DDC: variants seen among roughly 807,000 people sequenced by gnomAD.
The protein encoded by DDC is dopa decarboxylase.
A neutral mutation model predicts 60.0 loss-of-function variants in DDC; 43 were observed. The ratio of observed to expected loss-of-function variants is 0.72; its 90% CI spans 0.56 to 0.92. The LOEUF (loss-of-function observed/expected upper bound fraction) is 0.92, where lower values mean the gene tolerates loss of function less well. Ranked by LOEUF, DDC falls within the 40% of genes least tolerant of loss-of-function variation. The pLI, the probability that DDC is intolerant of heterozygous loss-of-function variation, is 0.00. For synonymous variants in DDC, 232 were observed against 234.6 expected (o/e 0.99, Z 0.10); for missense variants, 573 against 620.2 (o/e 0.92, Z 0.81).
At chr7:50,506,574 G>A (rs2043403878) in intron 6 of DDC, among the ~76,000 whole-genome samples, 1 of 152,158 alleles carries the variant, frequency 6.6e-6, no homozygotes, top group African/African-American at 2.4e-5. Context: ...CCCTGAGAAG[G>A]GCAGTCCCTC....
At chr7:50,561,869 CCATGCACACTTATG>C (rs1268617461) in intron 1 of DDC, among the ~76,000 whole-genome samples, 1 of 152,142 alleles carries the variant, frequency 6.6e-6, no homozygotes, top group East Asian at 1.9e-4. Context: ...TGCACACACA[CCATGCACACTTATG>C]CATGCACACA....
At chr7:50,486,101 C>T (rs1006928642) in intron 9 of DDC, among the ~76,000 whole-genome samples, 2 of 152,198 alleles carry the variant, frequency 1.3e-5, no homozygotes, top group African/African-American at 4.8e-5. Flanking sequence ...CCAGTGTTTA[C>T]AGTGAAAACC....
At chr7:50,539,848 A>G in intron 3 of DDC, 67 bp downstream of exon 3, 2 of 1,195,700 alleles carry the variant, frequency 1.7e-6, no homozygotes. Context: ...GTGCATAGGT[A>G]CCGTGTCCCC....
intron 1 of DDC, among the ~76,000 whole-genome samples, chr7:50,555,169 C>T (rs539605899): frequency 1.7e-4 from 26 of 152,112 alleles, no homozygotes; most frequent in Middle Eastern, 3.2e-3. Context: ...GCCAGTGTCA[C>T]GGGGATGGTG....
At chr7:50,503,044 G>A (rs2043298166) in intron 7 of DDC, among the ~76,000 whole-genome samples, 2 of 152,182 alleles carry the variant, frequency 1.3e-5, no homozygotes, top group Admixed American at 6.5e-5. Flanking sequence ...GGAGAGGAGG[G>A]TCCACTCCTC....
chr7:50,487,135 A>T (rs1021357524), intron 9 of DDC, among the ~76,000 whole-genome samples: 11 of 152,204 alleles, frequency 7.2e-5, no homozygotes, highest in African/African-American at 2.7e-4. Flanking sequence ...ATGTGGAAAT[A>T]ATATTTTGCT....
intron 11 of DDC, among the ~76,000 whole-genome samples, 160 bp from the exon 12 acceptor site, chr7:50,470,331 TG>T (rs2042502155): frequency 6.6e-6 from 1 of 152,120 alleles, no homozygotes; most frequent in African/African-American, 2.4e-5. Context: ...GGGCCCTCGG[TG>T]ATGTGGGCAG....
intron 9 of DDC, among the ~76,000 whole-genome samples, chr7:50,482,780 TCTTTTCTTGC>T (rs1256884742): frequency 6.6e-6 from 1 of 152,210 alleles, no homozygotes; most frequent in African/African-American, 2.4e-5. Context: ...AGTAAACATA[TCTTTTCTTGC>T]TATTATAAAG....
chr7:50,524,780 A>T (rs1255090515), intron 6 of DDC, among the ~76,000 whole-genome samples: 2 of 152,258 alleles, frequency 1.3e-5, no homozygotes, highest in Non-Finnish European at 2.9e-5. Context: ...TGTTAAAAAA[A>T]TTAAATGTAA....
chr7:50,499,291 G>A (rs775962713), intron 7 of DDC, 49 bp from the exon 8 acceptor site: 10 of 1,353,658 alleles, frequency 7.4e-6, no homozygotes, highest in South Asian at 4.8e-5. Context: ...GCCTCACCAC[G>A]GAGCCTGCCA....
intron 11 of DDC, among the ~76,000 whole-genome samples, chr7:50,470,553 G>T (rs927630901): frequency 5.3e-5 from 8 of 152,238 alleles, no homozygotes; most frequent in Non-Finnish European, 4.4e-5. Flanking sequence ...GGATAAGGGG[G>T]TAATTTTCAT....
intron 4 of DDC, among the ~76,000 whole-genome samples, chr7:50,530,054 C>T (rs1387553358): frequency 1.3e-5 from 2 of 151,994 alleles, no homozygotes; most frequent in African/African-American, 4.8e-5. Flanking sequence ...CCCCGGAGTT[C>T]GAGACCAGCC....
intron 9 of DDC, among the ~76,000 whole-genome samples, chr7:50,488,498 A>AT (rs143993569): frequency 0.095 from 14,384 of 152,000 alleles, 1,056 homozygotes; most frequent in South Asian, 0.12. Context: ...TGTGTGATAT[A>AT]TTTTTTGTCC....
intron 1 of DDC, among the ~76,000 whole-genome samples, chr7:50,559,753 G>A (rs996100215): frequency 1.3e-5 from 2 of 152,292 alleles, no homozygotes; most frequent in Admixed American, 6.5e-5. Flanking sequence ...TAAAATACCC[G>A]CATAGTGTGG....
At chr7:50,550,216 C>T (rs939716729) in intron 1 of DDC, among the ~76,000 whole-genome samples, 16 of 152,168 alleles carry the variant, frequency 1.1e-4, no homozygotes, top group Admixed American at 2.6e-4. Flanking sequence ...CAGCAGCCAT[C>T]GACATGGAGG....
At chr7:50,512,181 G>C (rs757708133) in intron 6 of DDC, among the ~76,000 whole-genome samples, 1 of 152,132 alleles carries the variant, frequency 6.6e-6, no homozygotes, top group Admixed American at 6.5e-5. Flanking sequence ...CAGATTAAAG[G>C]TATAGCGATG....
chr7:50,516,868 G>C (rs2043745708), intron 6 of DDC, among the ~76,000 whole-genome samples: 1 of 152,076 alleles, frequency 6.6e-6, no homozygotes, highest in South Asian at 2.1e-4. Flanking sequence ...AACCCTCCTA[G>C]CTTAAATCAG....
intron 1 of DDC, among the ~76,000 whole-genome samples, chr7:50,561,278 CCAAG>C (rs1428689437): frequency 2.0e-5 from 3 of 152,032 alleles, no homozygotes; most frequent in Non-Finnish European, 2.9e-5. Flanking sequence ...TGGCGAGAGG[CCAAG>C]GAAAAAATGG....
intron 7 of DDC, 61 bp downstream of exon 7, chr7:50,503,932 T>C: frequency 1.7e-6 from 2 of 1,184,830 alleles, no homozygotes; most frequent in Non-Finnish European, 2.5e-6. Context: ...CGAGGAAGGT[T>C]TGCTAAATTC....
Sources: allele counts gnomAD v4.1 joint callset (sites outside exome capture counted in the v4.1 genomes callset), GRCh38; gene constraint gnomAD v4.1.1; transcripts MANE v1.5; gene names NCBI Gene and HGNC (gene_info 2026-07-23, HGNC 2026-07-21).